Variants in MACROD2 observed in about 807,000 individuals in gnomAD.
The protein encoded by MACROD2 is mono-ADP ribosylhydrolase 2, also known as ADP-ribose glycohydrolase MACROD2.
In MACROD2, 36 loss-of-function variants were observed where a neutral mutation model predicts 70.4. The ratio of observed to expected loss-of-function variants is 0.51; its 90% CI spans 0.39 to 0.68. MACROD2 has a LOEUF of 0.68. Ranked by LOEUF, MACROD2 falls within the 30% of genes least tolerant of loss-of-function variation. The pLI is 0.00. For missense variants in MACROD2, 496 were observed against 538.4 expected (o/e 0.92, Z 0.78); for synonymous variants, 172 against 178.8 (o/e 0.96, Z 0.30).
In MACROD2 at chr20:14,168,327, T is replaced by C. The variant is rs149049930; in HGVS notation, c.271+82599T>C. 6.6e-4 allele frequency among the ~76,000 whole-genome samples: 100 copies of C among 152,316 alleles called. 1 individual carries two copies. The highest frequency in any genetic ancestry group is 2.3e-3 in the South Asian group (11 of 4,826). ...AGATACCTTCTAAGTTGTTGCAGCA[T>C]TGGAAGGAGAAATCTAGAAAGAGAA... is the stretch of plus-strand genomic sequence containing the variant. On this transcript the variant is annotated intron_variant, in intron 3 of 17. Coordinates refer to ENST00000684519, the MANE Select transcript of MACROD2 (RefSeq NM_001351661.2).
chr20:15,561,450 G>A (rs922147669), intron 8 of MACROD2, among the ~76,000 whole-genome samples: 1 of 152,180 alleles, frequency 6.6e-6, no homozygotes, highest in South Asian at 2.1e-4. Flanking sequence ...GCTGGGTAGG[G>A]TGGTTACTTG....
At chr20:14,165,120 G>A (rs1448464782) in intron 3 of MACROD2, among the ~76,000 whole-genome samples, 1 of 152,138 alleles carries the variant, frequency 6.6e-6, no homozygotes, top group Non-Finnish European at 1.5e-5. Flanking sequence ...GATGGGGGCT[G>A]AGTTCTCAAA....
At chr20:14,773,468 A>G (rs1444393476) in intron 5 of MACROD2, among the ~76,000 whole-genome samples, 1 of 151,986 alleles carries the variant, frequency 6.6e-6, no homozygotes, top group Non-Finnish European at 1.5e-5. Context: ...GAAATCATAT[A>G]TTTGTCTTTC....
intron 5 of MACROD2, among the ~76,000 whole-genome samples, chr20:14,835,461 G>T (rs1195705821): frequency 2.0e-5 from 3 of 152,004 alleles, no homozygotes. Flanking sequence ...CCATTGCCTG[G>T]GCTCAGCCAT....
chr20:14,088,284 C>T (rs906642815), intron 3 of MACROD2, among the ~76,000 whole-genome samples: 17 of 139,602 alleles, frequency 1.2e-4, no homozygotes, highest in Admixed American at 7.8e-4. Context: ...GAGTCGAGAT[C>T]GTGCCACTGC....
At chr20:15,757,926 A>G (rs1033149354) in intron 8 of MACROD2, among the ~76,000 whole-genome samples, 2 of 152,192 alleles carry the variant, frequency 1.3e-5, no homozygotes, top group African/African-American at 2.4e-5. Flanking sequence ...TTTTGGGAGG[A>G]CACAATCATT....
intron 10 of MACROD2, among the ~76,000 whole-genome samples, chr20:15,928,419 GATT>G (rs1388921625): frequency 2.9e-4 from 44 of 152,318 alleles, no homozygotes; most frequent in African/African-American, 8.7e-4. Context: ...ATCCAGATGA[GATT>G]ATCATTTCCC....
intron 2 of MACROD2, among the ~76,000 whole-genome samples, chr20:14,024,799 T>G (rs2053136829): frequency 6.6e-6 from 1 of 152,226 alleles, no homozygotes; most frequent in African/African-American, 2.4e-5. Context: ...GATTATCACA[T>G]TGATGTTCAT....
intron 3 of MACROD2, among the ~76,000 whole-genome samples, chr20:14,220,502 G>A (rs967549828): frequency 6.6e-6 from 1 of 152,142 alleles, no homozygotes; most frequent in African/African-American, 2.4e-5. Flanking sequence ...CCTGCCTGTG[G>A]AGTCTGCACA....
At chr20:15,183,949 A>G (rs900527198) in intron 5 of MACROD2, among the ~76,000 whole-genome samples, 1 of 152,172 alleles carries the variant, frequency 6.6e-6, no homozygotes, top group African/African-American at 2.4e-5. Flanking sequence ...AAACTCAACT[A>G]TCTGCTGGAA....
intron 6 of MACROD2, among the ~76,000 whole-genome samples, chr20:15,382,339 G>A (rs2045656070): frequency 6.6e-6 from 1 of 152,046 alleles, no homozygotes; most frequent in South Asian, 2.1e-4. Context: ...GGAAGACCCA[G>A]CTCCCATCCA....
At chr20:15,131,062 T>C (rs991679799) in intron 5 of MACROD2, among the ~76,000 whole-genome samples, 1 of 152,122 alleles carries the variant, frequency 6.6e-6, no homozygotes, top group African/African-American at 2.4e-5. Context: ...AGAACTCAAA[T>C]TGTAGTTTAT....
intron 4 of MACROD2, among the ~76,000 whole-genome samples, chr20:14,616,849 A>G (rs1252334372): frequency 6.6e-6 from 1 of 152,136 alleles, no homozygotes; most frequent in Non-Finnish European, 1.5e-5. Context: ...CTCTTTCAAA[A>G]TAAGCTGTCC....
intron 13 of MACROD2, among the ~76,000 whole-genome samples, chr20:15,983,255 G>C (rs2066428199): frequency 6.6e-6 from 1 of 152,178 alleles, no homozygotes; most frequent in African/African-American, 2.4e-5. Context: ...ATAGATGTGA[G>C]AGTTGAAAGA....
At chr20:15,337,236 TA>T (rs1242356104) in intron 6 of MACROD2, among the ~76,000 whole-genome samples, 3 of 151,790 alleles carry the variant, frequency 2.0e-5, no homozygotes, top group African/African-American at 7.3e-5. Context: ...ATTGGGCATA[TA>T]AAGAACAGTT....
At chr20:14,864,516 A>G (rs1205016102) in intron 5 of MACROD2, among the ~76,000 whole-genome samples, 2 of 152,128 alleles carry the variant, frequency 1.3e-5, no homozygotes, top group Admixed American at 1.3e-4. Flanking sequence ...AGCCAGGCAA[A>G]TCTACTATTA....
rs149612743 is a variant in MACROD2, at chr20:14,117,858, T to A, written c.271+32130T>A. ...AGTTCTAAGATGTTCCTCAAGATTC[T>A]CCATACTTCCCCCACCAGGATACAG... On this transcript the variant is annotated intron_variant, in intron 3 of 17. Coordinates refer to ENST00000684519, the MANE Select transcript of MACROD2 (RefSeq NM_001351661.2). Among the ~76,000 whole-genome samples, 3 of 152,200 alleles carry A rather than the reference T, an allele frequency of 2.0e-5. No individual in the cohort carries two copies. In the South Asian group the frequency reaches 6.2e-4, roughly 31 times the overall value.
At chr20:15,659,974 T>C (rs1451954476) in intron 8 of MACROD2, among the ~76,000 whole-genome samples, 1 of 152,140 alleles carries the variant, frequency 6.6e-6, no homozygotes, top group Non-Finnish European at 1.5e-5. Flanking sequence ...AATATATTGA[T>C]TACTGTCTAC....
chr20:15,766,680 G>A (rs2051531150), intron 8 of MACROD2, among the ~76,000 whole-genome samples: 1 of 152,136 alleles, frequency 6.6e-6, no homozygotes, highest in Non-Finnish European at 1.5e-5. Context: ...GATGACTCAA[G>A]CCATCTTTTA....
Sources: allele counts gnomAD v4.1 joint callset (sites outside exome capture counted in the v4.1 genomes callset), GRCh38; gene constraint gnomAD v4.1.1; transcripts MANE v1.5; gene names NCBI Gene and HGNC (gene_info 2026-07-23, HGNC 2026-07-21).